TYW1: variants seen among roughly 807,000 people sequenced by gnomAD.
TYW1 encodes the protein S-adenosyl-L-methionine-dependent tRNA 4-demethylwyosine synthase TYW1.
In TYW1, 46 loss-of-function variants were observed where a neutral mutation model predicts 96.2. The observed-to-expected ratio is 0.48, with a 90% CI of 0.38 to 0.61. The LOEUF (loss-of-function observed/expected upper bound fraction) is 0.61, where lower values mean the gene tolerates loss of function less well. Among genes scored for constraint, TYW1 ranks in the 20% least tolerant of loss-of-function variants. TYW1 has a pLI of 0.00. For missense variants in TYW1, 684 were observed against 909.6 expected (o/e 0.75, Z 3.19); for synonymous variants, 274 against 323.0 (o/e 0.85, Z 1.63).
chr7:67,072,482 T>C (rs150353478), intron 10 of TYW1, among the ~76,000 whole-genome samples: 3,522 of 151,468 alleles, frequency 0.023, 77 homozygotes, highest in African/African-American at 0.059. Context: ...CTCCTCACCT[T>C]GTGATCTGCC....
At chr7:67,203,475 C>T (rs1800668299) in intron 15 of TYW1, among the ~76,000 whole-genome samples, 1 of 152,180 alleles carries the variant, frequency 6.6e-6, no homozygotes, top group Admixed American at 6.5e-5. Context: ...TTACATATTA[C>T]ATTATGCATA....
At chr7:67,195,425 T>TA in intron 15 of TYW1, 88 bp downstream of exon 15, 2 of 1,583,224 alleles carry the variant, frequency 1.3e-6, no homozygotes, top group Non-Finnish European at 1.7e-6. Flanking sequence ...CTTACATTGT[T>TA]ATAGGGATTA....
rs578221389 is a variant in TYW1, at chr7:67,057,114, A to G, written c.1155+1227A>G. 4.0e-5 allele frequency among the ~76,000 whole-genome samples: 6 copies of G among 151,170 alleles called. No individual in the cohort carries two copies. The East Asian group carries it at 1.2e-3, about 29-fold the overall frequency. On this transcript the variant is annotated intron_variant, in intron 9 of 15. Coordinates refer to ENST00000359626, the MANE Select transcript of TYW1 (RefSeq NM_018264.4). ...ACTGCAACCTCCGCCTCCTGGGTTC[A>G]AATGATTCTCCTGCCTCAGCCTCCC...
At chr7:67,041,792 G>A (rs1315429359) in intron 7 of TYW1, among the ~76,000 whole-genome samples, 1 of 151,992 alleles carries the variant, frequency 6.6e-6, no homozygotes, top group Non-Finnish European at 1.5e-5. Flanking sequence ...AACTTTCATG[G>A]AGTCATACGT....
intron 10 of TYW1, among the ~76,000 whole-genome samples, chr7:67,078,467 T>A (rs1223533243): frequency 1.3e-5 from 2 of 152,174 alleles, no homozygotes; most frequent in African/African-American, 4.8e-5. Context: ...CTTTGGCTAT[T>A]TGGGGATTTT....
intron 13 of TYW1, among the ~76,000 whole-genome samples, chr7:67,177,233 A>C (rs1264429719): frequency 6.6e-6 from 1 of 151,920 alleles, no homozygotes; most frequent in African/African-American, 2.4e-5. Flanking sequence ...TTTTTGACAC[A>C]AATGTGAGTG....
rs539076526 is a variant in TYW1 at position 67,087,997 on chromosome 7, G to A, written c.1384+4458G>A. On this transcript the variant is annotated intron_variant, in intron 11 of 15. Coordinates refer to ENST00000359626, the MANE Select transcript of TYW1 (RefSeq NM_018264.4). ...TCCCACCTCAGCCTCCCAAGTAGCC[G>A]GAACTACAGGTGCATGCTACCGCGC... Among the ~76,000 whole-genome samples the A allele has an allele frequency of 2.4e-3, 361 of 152,124 alleles. 2 individuals are homozygous for A. Among genetic ancestry groups the A allele is most frequent in the African/African-American group, 8.2e-3 (342 of 41,500 alleles).
intron 10 of TYW1, among the ~76,000 whole-genome samples, chr7:67,071,306 A>G (rs772245045): frequency 2.0e-5 from 3 of 151,142 alleles, no homozygotes; most frequent in Non-Finnish European, 2.9e-5. Flanking sequence ...TTATCTCTGA[A>G]GTCTGTGTCT....
chr7:67,090,396 A>G (rs1411179645), intron 11 of TYW1, among the ~76,000 whole-genome samples: 1 of 152,198 alleles, frequency 6.6e-6, no homozygotes, highest in Non-Finnish European at 1.5e-5. Context: ...ACTGAGCATT[A>G]CATCATGTTT....
chr7:67,198,705 C>T (rs1800488783), intron 15 of TYW1, among the ~76,000 whole-genome samples: 1 of 152,200 alleles, frequency 6.6e-6, no homozygotes, highest in African/African-American at 2.4e-5. Context: ...GTCCCTAAAA[C>T]AGGTTTGTGA....
intron 15 of TYW1, among the ~76,000 whole-genome samples, chr7:67,227,358 T>G (rs11762199): frequency 0.27 from 40,558 of 151,774 alleles, 5,763 homozygotes; most frequent in African/African-American, 0.36. Flanking sequence ...CCAGGTTCAA[T>G]TGATTCTCCT....
chr7:67,124,201 A>G (rs899831277), intron 13 of TYW1, among the ~76,000 whole-genome samples: 16 of 152,228 alleles, frequency 1.1e-4, no homozygotes, highest in Non-Finnish European at 1.5e-4. Context: ...ATATGTGTCT[A>G]TATTTCACTT....
chr7:67,226,238 C>G (rs1162151319), intron 15 of TYW1, among the ~76,000 whole-genome samples: 1 of 152,138 alleles, frequency 6.6e-6, no homozygotes, highest in Non-Finnish European at 1.5e-5. Flanking sequence ...ATGATAATAG[C>G]CCTTCCCTAA....
chr7:67,219,765 C>T (rs1339912441), intron 15 of TYW1, among the ~76,000 whole-genome samples: 9 of 148,000 alleles, frequency 6.1e-5, no homozygotes, highest in African/African-American at 2.0e-4. Context: ...AGTCTTATTT[C>T]TCTCCTTTTA....
rs749426476 is a variant in TYW1, at chr7:67,098,624, A to C, written c.1468A>C (p.Met490Leu). 3 of 1,613,948 alleles carry C rather than the reference A, an allele frequency of 1.9e-6. No individual in the cohort carries two copies. The highest frequency in any genetic ancestry group is 1.7e-6 in the Non-Finnish European group (2 of 1,179,958). The change falls in exon 12 of 16, where the codon ATG (methionine) becomes CTG (leucine). Residue 490 changes from methionine (M) to leucine (L), a missense_variant. Transcript: ENST00000359626. ...CALSLVGEPIMYPEINRFLKL... is the reference protein window; with the variant it reads ...CALSLVGEPILYPEINRFLKL... ...ATTGTCCCTCGTGGGAGAACCAATA[A>C]TGTACCCAGAGATCAACAGGTTTTT...
chr7:67,154,889 A>T (rs1257157452), intron 13 of TYW1, among the ~76,000 whole-genome samples: 3 of 151,884 alleles, frequency 2.0e-5, no homozygotes, highest in Non-Finnish European at 2.9e-5. Context: ...TATCTTTTTT[A>T]AAAAAAATCC....
At chr7:67,029,002 C>CTTTT (rs752751448) in intron 7 of TYW1, among the ~76,000 whole-genome samples, 1 of 144,740 alleles carries the variant, frequency 6.9e-6, no homozygotes, top group Non-Finnish European at 1.5e-5. Flanking sequence ...CTGATATGGA[C>CTTTT]TTTTTTTTTT....
chr7:67,164,156 AT>A (rs1245173163), intron 13 of TYW1, among the ~76,000 whole-genome samples: 1 of 151,904 alleles, frequency 6.6e-6, no homozygotes, highest in African/African-American at 2.4e-5. Flanking sequence ...GTGTAGATAG[AT>A]TTATATTATT....
At chr7:67,036,804 T>C (rs1391961153) in intron 7 of TYW1, among the ~76,000 whole-genome samples, 3 of 152,244 alleles carry the variant, frequency 2.0e-5, no homozygotes, top group Non-Finnish European at 4.4e-5. Context: ...AACCATGAAC[T>C]GGTCACACAA....
Sources: gnomAD v4.1 joint callset for allele counts (sites outside exome capture counted in the v4.1 genomes callset) on GRCh38, gnomAD v4.1.1 for gene constraint, MANE v1.5 for transcripts, NCBI Gene and HGNC (gene_info 2026-07-23, HGNC 2026-07-21) for gene names.